Variants in CPAMD8 observed in about 807,000 individuals in gnomAD.
The protein encoded by CPAMD8 is C3 and PZP like alpha-2-macroglobulin domain containing 8.
CPAMD8 carries 146 observed loss-of-function variants against 224.7 expected under a neutral mutation model. That is an observed-to-expected ratio of 0.65 (90% CI 0.57 to 0.75). The LOEUF (loss-of-function observed/expected upper bound fraction) is 0.75. CPAMD8 is among the 30% of genes least tolerant of loss of function. The pLI is 0.00. For missense variants in CPAMD8, 2,301 were observed against 2,537.5 expected, an observed-to-expected ratio of 0.91 and a Z score of 2.00; for synonymous variants, 966 against 1,044.6, an observed-to-expected ratio of 0.92 and a Z score of 1.45.
chr19:16,917,365 C>G (rs1449203207), intron 27 of CPAMD8, among the ~76,000 whole-genome samples: 1 of 152,178 alleles, frequency 6.6e-6, no homozygotes, highest in East Asian at 1.9e-4. Context: ...ATGCCTATCA[C>G]ATGGGAAGCT....
Position 16,893,148 on chromosome 19 carries a change from T to C in CPAMD8, c.5618A>G (p.Glu1873Gly). The change falls in exon 42 of 42, where the codon GAG (glutamate) becomes GGG (glycine). Residue 1873 changes from glutamate to glycine, a missense_variant. This residue lies in a region of CPAMD8 where 1,709 missense variants were observed against 1,753.2 expected (regional missense o/e 0.97). Transcript: ENST00000443236. ...GGTGTTTGACATCCATAAACCCTCC[T>C]CCCCACCACTCTGAAAGGCTGGGCT... ...VYSPAFQSGG[E>G]EGLWMSNTCT... The C allele has an allele frequency of 2.6e-6, 4 of 1,567,380 alleles. No homozygotes were observed. The South Asian group carries it at 4.5e-5, about 18-fold the overall frequency.
intron 34 of CPAMD8, 112 bp downstream of exon 34, chr19:16,903,449 T>C (rs2052340723): frequency 3.4e-6 from 5 of 1,485,440 alleles, no homozygotes; most frequent in African/African-American, 2.8e-5. Flanking sequence ...CAGTCTGGCA[T>C]GCTGCTGAGT....
chr19:16,928,959 G>T lies in CPAMD8; in HGVS notation c.3127C>A (p.Arg1043Ser), dbSNP rs143655652. Reference sequence around the variant, plus strand: ...CTGTATACCTGGATAAGGCCACCACGCCAGCTGATCCAGAATGTTCTGAAT... The same window carrying T: ...CTGTATACCTGGATAAGGCCACCACTCCAGCTGATCCAGAATGTTCTGAAT... ...DEFRTFWISW[R>S]GGLIQVGHGP... Residue 1043 changes from arginine to serine, a missense_variant, in exon 24 of 42, where the codon CGT becomes AGT. Transcript: ENST00000443236. 1.0e-3 allele frequency: 1,651 copies of T among 1,607,904 alleles called. 4 individuals carry two copies. The highest frequency in any genetic ancestry group is 1.8e-3 in the Admixed American group (106 of 59,814).
intron 19 of CPAMD8, 148 bp downstream of exon 19, chr19:16,957,705 T>C (rs2054515867): frequency 2.7e-6 from 2 of 743,424 alleles, no homozygotes; most frequent in East Asian, 2.5e-5. Flanking sequence ...CTTCATGGCT[T>C]GAAGTTTTGT....
At position 16,970,900 on chromosome 19, in the gene CPAMD8, T is replaced by C; in HGVS notation, c.2204A>G (p.His735Arg). ...ATGTATAAGCCGTTACCTGGGGGGG[T>C]GCCTGGAAGGAGCCACTGCCACCAG... The part of the protein sequence containing the change: ...GSLVAVAPSR[H>R]PPRTEKRKRT... Residue 735 changes from histidine to arginine, a missense_variant, in exon 18 of 42, where the codon CAC becomes CGC. Transcript: ENST00000443236. 6.2e-7 allele frequency: 1 copy of C among 1,613,138 alleles called. No individual in the cohort carries two copies. The highest frequency in any genetic ancestry group is 8.5e-7 in the Non-Finnish European group (1 of 1,179,746).
intron 39 of CPAMD8, 196 bp downstream of exon 39, chr19:16,897,495 C>A (rs2052065898): frequency 3.5e-6 from 2 of 565,096 alleles, no homozygotes; most frequent in Non-Finnish European, 6.2e-6. Context: ...AGCCACGCCC[C>A]TCCCCGCTGA....
chr19:17,008,144 G>A (rs745434736), intron 7 of CPAMD8, among the ~76,000 whole-genome samples: 26 of 152,324 alleles, frequency 1.7e-4, no homozygotes, highest in African/African-American at 4.8e-4. Flanking sequence ...ACTCCAGCCT[G>A]GGTGACAGAG....
intron 14 of CPAMD8, among the ~76,000 whole-genome samples, chr19:16,979,115 T>C (rs1306510629): frequency 1.3e-5 from 2 of 149,482 alleles, no homozygotes; most frequent in Non-Finnish European, 3.0e-5. Flanking sequence ...CATCCATCTA[T>C]CCATCCAACC....
intron 18 of CPAMD8, among the ~76,000 whole-genome samples, chr19:16,969,987 C>A (rs1599809468): frequency 6.6e-6 from 1 of 151,432 alleles, no homozygotes. Context: ...GTAATCCCAG[C>A]ACTTTGGGAA....
In CPAMD8 at chr19:16,976,770, A is replaced by T. The variant is rs140190578; in HGVS notation, c.1758+598T>A. 2.4e-3 allele frequency among the ~76,000 whole-genome samples: 363 copies of T among 151,810 alleles called. 11 individuals carry two copies. Among genetic ancestry groups the T allele is most frequent in the African/African-American group, 8.2e-3 (340 of 41,232 alleles). On this transcript the variant is annotated intron_variant, in intron 15 of 41. Coordinates refer to ENST00000443236, the MANE Select transcript of CPAMD8 (RefSeq NM_015692.5). ...CAAGTTGCAGGGAGGAGCCAGGCGCAGTGGCTCACACCTGTAATCCCAGCA... is the reference window on the plus strand; with the variant it reads ...CAAGTTGCAGGGAGGAGCCAGGCGCTGTGGCTCACACCTGTAATCCCAGCA...
chr19:16,993,507 T>C lies in CPAMD8; in HGVS notation c.1175A>G (p.Asn392Ser), dbSNP rs954116167. The C allele has an allele frequency of 6.2e-7, 1 of 1,613,958 alleles. No homozygotes were observed. The highest frequency in any genetic ancestry group is 8.5e-7 in the Non-Finnish European group (1 of 1,179,970). ...QIKAELTPKD[N>S]IYTSEVVSQR... Reference sequence around the variant, plus strand: ...GGACACAACTTCACTGGTGTAGATGTTATCCTTTGGTGTCAGCTCTGCCTT... The same window carrying C: ...GGACACAACTTCACTGGTGTAGATGCTATCCTTTGGTGTCAGCTCTGCCTT... Residue 392 changes from asparagine to serine, a missense_variant, in exon 12 of 42, where the codon AAC becomes AGC. Coordinates refer to ENST00000443236, the MANE Select transcript of CPAMD8 (RefSeq NM_015692.5).
chr19:16,978,746 T>C (rs1702138905), intron 14 of CPAMD8, among the ~76,000 whole-genome samples: 1 of 152,064 alleles, frequency 6.6e-6, no homozygotes. Context: ...TCTGTCTATC[T>C]ATCCATCCAT....
chr19:16,905,569 G>GAAAAAA (rs397955787), intron 30 of CPAMD8, among the ~76,000 whole-genome samples: 59 of 92,634 alleles, frequency 6.4e-4, no homozygotes, highest in African/African-American at 7.2e-4. Flanking sequence ...AGGAAGAAAA[G>GAAAAAA]AAAAAAAAAA....
intron 27 of CPAMD8, among the ~76,000 whole-genome samples, chr19:16,916,903 C>A (rs2052982535): frequency 6.6e-6 from 1 of 152,140 alleles, no homozygotes; most frequent in Admixed American, 6.5e-5. Context: ...CTCATCCCCA[C>A]CCCATTACCA....
chr19:16,905,789 G>A (rs996482989), intron 30 of CPAMD8, among the ~76,000 whole-genome samples: 3 of 152,150 alleles, frequency 2.0e-5, no homozygotes, highest in Non-Finnish European at 4.4e-5. Flanking sequence ...TGCAGCTGCT[G>A]GGGGTAGGGG....
intron 18 of CPAMD8, among the ~76,000 whole-genome samples, chr19:16,961,130 C>T (rs2054639254): frequency 6.6e-6 from 1 of 152,220 alleles, no homozygotes; most frequent in African/African-American, 2.4e-5. Flanking sequence ...GCATTTCCAA[C>T]TGAGGTACCT....
At chr19:16,996,570 G>T (rs2122972460) in intron 11 of CPAMD8, among the ~76,000 whole-genome samples, 1 of 152,224 alleles carries the variant, frequency 6.6e-6, no homozygotes, top group East Asian at 1.9e-4. Flanking sequence ...TGTAACCCCA[G>T]CACTTTGGGA....
At chr19:16,905,581 A>G (rs1340202244) in intron 30 of CPAMD8, among the ~76,000 whole-genome samples, 9 of 150,570 alleles carry the variant, frequency 6.0e-5, no homozygotes, top group Non-Finnish European at 1.0e-4. Flanking sequence ...AAAAAAAAAA[A>G]AAAAAGAAAA....
chr19:16,998,540 T>C (rs8105013), intron 10 of CPAMD8, among the ~76,000 whole-genome samples: 36,893 of 152,004 alleles, frequency 0.24, 5,033 homozygotes, highest in African/African-American at 0.37. Flanking sequence ...CAGATGTGTC[T>C]CAGGTGGGAA....
Sources: allele counts gnomAD v4.1 joint callset (sites outside exome capture counted in the v4.1 genomes callset), GRCh38; gene constraint gnomAD v4.1.1; regional missense constraint gnomAD v4.1.1; transcripts MANE v1.5; gene names NCBI Gene and HGNC (gene_info 2026-07-23, HGNC 2026-07-21).